The following PDGFC variants were observed in gnomAD, a reference collection of about 807,000 sequenced individuals.
The protein encoded by PDGFC is platelet derived growth factor C.
Under a neutral mutation model 35.5 loss-of-function variants are expected in PDGFC, and 12 were observed. That is an observed-to-expected ratio of 0.34 (90% confidence interval 0.22 to 0.55). The LOEUF is 0.55. PDGFC is among the 20% of genes least tolerant of loss of function. The pLI, the probability that PDGFC is intolerant of heterozygous loss-of-function variation, is 0.91. For synonymous variants in PDGFC, 159 were observed against 148.8 expected (o/e 1.07, Z -0.50); for missense variants, 322 against 412.4 (o/e 0.78, Z 1.90).
rs1730588625 is a variant in PDGFC at position 156,768,049 on chromosome 4, A to G, written c.704-59T>C. The stretch of plus-strand genomic sequence containing the variant: ...ATGTTGATGCTTTGAGCCTGAATGT[A>G]TTTCATTAAGCTCTTTTCATAAAGA... On this transcript the variant is annotated intron_variant, in intron 4 of 5. Transcript: ENST00000502773. 3.1e-6 allele frequency: 3 copies of G among 969,394 alleles called. No homozygotes were observed. In the Admixed American group the frequency reaches 5.6e-5, roughly 18 times the overall value. The allele number at this position is 969,394 out of a possible 1,614,324, so 60.0% of individuals were successfully genotyped here.
intron 3 of PDGFC, among the ~76,000 whole-genome samples, chr4:156,775,997 T>C (rs2110829349): frequency 6.6e-6 from 1 of 152,226 alleles, no homozygotes; most frequent in Admixed American, 6.5e-5. Flanking sequence ...AAGGGCCTTC[T>C]CATGACTGTC....
At chr4:156,835,212 A>C (rs1729034491) in intron 2 of PDGFC, among the ~76,000 whole-genome samples, 1 of 152,172 alleles carries the variant, frequency 6.6e-6, no homozygotes. Flanking sequence ...CATCAGAGAA[A>C]TGCAAATGAA....
intron 1 of PDGFC, among the ~76,000 whole-genome samples, chr4:156,914,822 C>T (rs900018660): frequency 5.8e-4 from 88 of 152,120 alleles, no homozygotes; most frequent in Non-Finnish European, 1.8e-4. Flanking sequence ...AGAGATTCAA[C>T]AAAGCACTAA....
At chr4:156,860,557 G>A (rs1212988973) in intron 1 of PDGFC, among the ~76,000 whole-genome samples, 1 of 151,900 alleles carries the variant, frequency 6.6e-6, no homozygotes, top group East Asian at 1.9e-4. Flanking sequence ...CCTGACACGG[G>A]GCGCGGAGGA....
chr4:156,845,632 G>A lies in PDGFC; in HGVS notation c.314+4589C>T, dbSNP rs1419372106. 2.0e-5 allele frequency among the ~76,000 whole-genome samples: 3 copies of A among 151,834 alleles called. No individual in the cohort carries two copies. In the South Asian group the frequency reaches 6.2e-4, roughly 32 times the overall value. On this transcript the variant is annotated intron_variant, in intron 2 of 5. Transcript: ENST00000502773. ...AACTATGTCCAGTGGAAGTTTAATG[G>A]AGTTCTCTCCCTTACTGTGGAAGAG...
chr4:156,878,726 T>TA (rs1261490230), intron 1 of PDGFC, among the ~76,000 whole-genome samples: 2 of 152,204 alleles, frequency 1.3e-5, no homozygotes, highest in African/African-American at 4.8e-5. Context: ...ATTTCAGATG[T>TA]AATACAAATC....
At chr4:156,815,444 T>C (rs772030479) in intron 2 of PDGFC, among the ~76,000 whole-genome samples, 4 of 151,964 alleles carry the variant, frequency 2.6e-5, no homozygotes, top group African/African-American at 4.8e-5. Context: ...GAATAATGCA[T>C]TAAATCAGGT....
At chr4:156,836,595 G>T (rs1170575563) in intron 2 of PDGFC, among the ~76,000 whole-genome samples, 1 of 152,090 alleles carries the variant, frequency 6.6e-6, no homozygotes, top group Non-Finnish European at 1.5e-5. Context: ...AGTAAACACT[G>T]ACTAGGATAT....
In PDGFC at chr4:156,865,622, A is replaced by G. The variant is rs561190054; in HGVS notation, c.119-15206T>C. Among the ~76,000 whole-genome samples the G allele has an allele frequency of 4.6e-5, 7 of 152,274 alleles. No homozygotes were observed. In the South Asian group the frequency reaches 1.4e-3, roughly 32 times the overall value. Reference sequence around the variant, plus strand: ...TAAAAGACACTACCATCACCACTCTACCAATTAGAAAACTTCTAACTAGAT... The same window carrying G: ...TAAAAGACACTACCATCACCACTCTGCCAATTAGAAAACTTCTAACTAGAT... On this transcript the variant is annotated intron_variant, in intron 1 of 5. Coordinates refer to ENST00000502773, the MANE Select transcript of PDGFC (RefSeq NM_016205.3).
chr4:156,782,450 C>T (rs541374436), intron 3 of PDGFC, among the ~76,000 whole-genome samples: 6 of 152,132 alleles, frequency 3.9e-5, no homozygotes, highest in South Asian at 2.1e-4. Flanking sequence ...GTTAGCATGC[C>T]GTTCCTATTT....
intron 2 of PDGFC, among the ~76,000 whole-genome samples, chr4:156,814,582 C>A (rs1251471399): frequency 3.9e-5 from 6 of 152,000 alleles, no homozygotes; most frequent in Non-Finnish European, 8.8e-5. Flanking sequence ...TTCAAAATAA[C>A]CATTTTAATC....
In PDGFC at chr4:156,971,197, G is replaced by A; in HGVS notation, c.-294C>T. 1 of 422,674 alleles carries A rather than the reference G, an allele frequency of 2.4e-6. No homozygotes were observed. Among genetic ancestry groups the A allele is most frequent in the South Asian group, 9.4e-5 (1 of 10,678 alleles). The allele number at this position is 422,674 out of a possible 1,614,324, so 26.2% of individuals were successfully genotyped here. Reference sequence around the variant, plus strand: ...GCGAAGTGGTGGGGGTGGGGGTGAAGGCGAGGGAGGAATGAGGGGGTGGGG... The same window carrying A: ...GCGAAGTGGTGGGGGTGGGGGTGAAAGCGAGGGAGGAATGAGGGGGTGGGG... On this transcript the variant is annotated 5_prime_UTR_variant, in exon 1 of 6. Transcript: ENST00000502773.
chr4:156,896,217 T>C (rs1270180169), intron 1 of PDGFC, among the ~76,000 whole-genome samples: 1 of 152,198 alleles, frequency 6.6e-6, no homozygotes, highest in Non-Finnish European at 1.5e-5. Context: ...TTAATAATTA[T>C]AATGCCTAAG....
intron 1 of PDGFC, among the ~76,000 whole-genome samples, chr4:156,874,384 G>C (rs905150381): frequency 1.3e-5 from 2 of 152,126 alleles, no homozygotes; most frequent in African/African-American, 4.8e-5. Flanking sequence ...TAAATAGCTA[G>C]TTTTGAGCAC....
chr4:156,824,986 T>G (rs1409275352), intron 2 of PDGFC, among the ~76,000 whole-genome samples: 1 of 152,186 alleles, frequency 6.6e-6, no homozygotes, highest in African/African-American at 2.4e-5. Flanking sequence ...CATAATGCCT[T>G]AATACATGTG....
Position 156,892,553 on chromosome 4 carries a change from T to A in PDGFC, c.119-42137A>T, listed in dbSNP as rs748154268. ...GAATGCTGTCCTAATCTTTGATGAA[T>A]GGTGAAATGGAAATCCAAAAAAAGG... On this transcript the variant is annotated intron_variant, in intron 1 of 5. Transcript: ENST00000502773. Among the ~76,000 whole-genome samples the A allele has an allele frequency of 1.1e-4, 16 of 152,114 alleles. 1 individual carries two copies. Among genetic ancestry groups the A allele is most frequent in the Non-Finnish European group, 2.4e-4 (16 of 68,014 alleles).
chr4:156,890,439 C>A (rs1730476501), intron 1 of PDGFC, among the ~76,000 whole-genome samples: 1 of 152,124 alleles, frequency 6.6e-6, no homozygotes, highest in Admixed American at 6.6e-5. Flanking sequence ...GCACGCGCTG[C>A]CGTCTCTGTT....
chr4:156,915,463 C>G (rs906172681), intron 1 of PDGFC, among the ~76,000 whole-genome samples: 1 of 152,118 alleles, frequency 6.6e-6, no homozygotes, highest in South Asian at 2.1e-4. Context: ...AGAGGGAATC[C>G]TCAAGGAACC....
chr4:156,850,532 G>T (rs1012655990), intron 1 of PDGFC, 116 bp from the exon 2 acceptor site: 1 of 499,748 alleles, frequency 2.0e-6, no homozygotes, highest in Non-Finnish European at 3.5e-6. Context: ...TGTTTTATAT[G>T]ATATATGCCA....
Sources: gnomAD v4.1 joint callset for allele counts (sites outside exome capture counted in the v4.1 genomes callset) on GRCh38, gnomAD v4.1.1 for gene constraint, MANE v1.5 for transcripts, NCBI Gene and HGNC (gene_info 2026-07-23, HGNC 2026-07-21) for gene names.